Variants in GRID1 observed in about 807,000 individuals in gnomAD.
The protein encoded by GRID1 is glutamate ionotropic receptor delta type subunit 1.
Under a neutral mutation model 98.0 loss-of-function variants are expected in GRID1, and 28 were observed. That is an observed-to-expected ratio of 0.29 (90% CI 0.21 to 0.39). GRID1 has a LOEUF of 0.39. GRID1 is among the 10% of genes least tolerant of loss of function. GRID1 has a pLI of 1.00. For synonymous variants in GRID1, 553 were observed against 538.5 expected (o/e 1.03, Z -0.37); for missense variants, 1,111 against 1,340.5 (o/e 0.83, Z 2.67).
chr10:86,130,009 C>G (rs764470411), intron 4 of GRID1, among the ~76,000 whole-genome samples: 5 of 152,258 alleles, frequency 3.3e-5, no homozygotes, highest in Admixed American at 6.5e-5. Context: ...CATGAATAAG[C>G]CTGGGCTAGT....
chr10:85,712,289 C>T (rs552787847), intron 12 of GRID1, among the ~76,000 whole-genome samples: 2 of 151,754 alleles, frequency 1.3e-5, no homozygotes, highest in Admixed American at 6.6e-5. Flanking sequence ...CAGACAAGCA[C>T]ACTGAAAGAA....
chr10:85,851,210 C>T (rs1388370807), intron 8 of GRID1, among the ~76,000 whole-genome samples: 1 of 152,046 alleles, frequency 6.6e-6, no homozygotes, highest in African/African-American at 2.4e-5. Flanking sequence ...AAGCATATAC[C>T]ACCCCCCACC....
At chr10:85,944,385 A>G (rs1028793785) in intron 4 of GRID1, among the ~76,000 whole-genome samples, 1 of 152,254 alleles carries the variant, frequency 6.6e-6, no homozygotes, top group Admixed American at 6.5e-5. Context: ...ATTGACAAAA[A>G]TGAAGAAAAA....
At chr10:85,986,127 A>C (rs936152123) in intron 4 of GRID1, among the ~76,000 whole-genome samples, 1 of 152,272 alleles carries the variant, frequency 6.6e-6, no homozygotes, top group South Asian at 2.1e-4. Context: ...GAAGTTCTGC[A>C]TGCCTCCCAG....
intron 12 of GRID1, among the ~76,000 whole-genome samples, chr10:85,681,707 C>T (rs1471648217): frequency 6.6e-6 from 1 of 152,186 alleles, no homozygotes; most frequent in African/African-American, 2.4e-5. Flanking sequence ...AGCCCACGCA[C>T]CTGACACATC....
In GRID1 at chr10:86,343,964, C is replaced by G. The variant is rs369024755; in HGVS notation, c.235+19977G>C. On this transcript the variant is annotated intron_variant, in intron 2 of 15. Transcript: ENST00000327946. Reference sequence around the variant, plus strand: ...GCTGGGGTGGGAAAGCACGTGGCCACGCCTGGCCCTTGGCGTTCCATCTCT... The same window carrying G: ...GCTGGGGTGGGAAAGCACGTGGCCAGGCCTGGCCCTTGGCGTTCCATCTCT... Among the ~76,000 whole-genome samples the G allele has an allele frequency of 2.0e-5, 3 of 152,384 alleles. No individual in the cohort carries two copies. In the South Asian group the frequency reaches 6.2e-4, roughly 32 times the overall value.
rs577854906 is a variant in GRID1 at position 85,768,081 on chromosome 10, C to T, written c.1234-38467G>A. Among the ~76,000 whole-genome samples, 26 of 152,296 alleles carry T rather than the reference C, an allele frequency of 1.7e-4. 1 individual carries two copies. Among genetic ancestry groups the T allele is most frequent in the South Asian group, 1.4e-3 (7 of 4,828 alleles). On this transcript the variant is annotated intron_variant, in intron 8 of 15. Transcript: ENST00000327946. ...AGACTTTGGTGGAAAGTTTTCTCACCTTCCCAGGAAATCCCGAGCTAAAAT... is the reference window on the plus strand; with the variant it reads ...AGACTTTGGTGGAAAGTTTTCTCACTTTCCCAGGAAATCCCGAGCTAAAAT...
chr10:85,703,421 A>G (rs1274005124), intron 12 of GRID1, among the ~76,000 whole-genome samples: 2 of 152,136 alleles, frequency 1.3e-5, no homozygotes, highest in Non-Finnish European at 2.9e-5. Context: ...AAAGAATGTG[A>G]AAGGCAAATA....
chr10:86,138,829 A>T lies in GRID1; in HGVS notation c.716T>A (p.Phe239Tyr). ...GCCCCCATGACCTACCTCGTTGATG[A>T]AGGAGTGGGCTCCCTGTGGGCTGAG... ...LLLSPQGAHS[F>Y]INEAVETNLA... The change falls in exon 4 of 16, where the codon TTC (phenylalanine) becomes TAC (tyrosine). Residue 239 changes from phenylalanine to tyrosine, a missense_variant. Phe to Tyr is a conservative substitution (Grantham distance 22). Around this residue, in one of 3 missense-constraint regions of GRID1, gnomAD observed 346 missense variants for 452.3 expected, o/e 0.76. Coordinates refer to ENST00000327946, the MANE Select transcript of GRID1 (RefSeq NM_017551.3). 6.2e-7 allele frequency: 1 copy of T among 1,613,706 alleles called. No individual in the cohort carries two copies. The highest frequency in any genetic ancestry group is 8.5e-7 in the Non-Finnish European group (1 of 1,179,620).
chr10:85,746,251 G>C (rs139979688), intron 8 of GRID1, among the ~76,000 whole-genome samples: 218 of 152,230 alleles, frequency 1.4e-3, no homozygotes, highest in African/African-American at 5.0e-3. Flanking sequence ...TGGGTCAATG[G>C]CCTAAATGGT....
chr10:85,906,171 C>A (rs1841457814), intron 5 of GRID1, among the ~76,000 whole-genome samples: 1 of 152,030 alleles, frequency 6.6e-6, no homozygotes, highest in African/African-American at 2.4e-5. Context: ...AATTTAAGTC[C>A]TAATGATAGA....
intron 5 of GRID1, among the ~76,000 whole-genome samples, chr10:85,900,159 A>AC (rs1200302748): frequency 6.6e-6 from 1 of 152,046 alleles, no homozygotes; most frequent in East Asian, 1.9e-4. Context: ...CTTTGAAAGG[A>AC]CCCTTCCTGG....
At position 85,602,655 on chromosome 10, in the gene GRID1, A is replaced by C; in HGVS notation, c.2648T>G (p.Leu883Arg). ...CTTGTGAGCAATGTCTTCATCCATG[A>C]GGCTGTTCATGCGCCGGTGGACCTG... ...LEQVHRRMNS[L>R]MDEDIAHKQI... is the part of the protein sequence containing the mutation. The change falls in exon 16 of 16, where the codon CTC becomes CGC. Residue 883 changes from leucine to arginine, a missense_variant. Leu to Arg is a moderately radical substitution (Grantham distance 102, BLOSUM62 -2). Coordinates refer to ENST00000327946, the MANE Select transcript of GRID1 (RefSeq NM_017551.3). The C allele has an allele frequency of 1.2e-6, 2 of 1,613,762 alleles. No homozygotes were observed. The highest frequency in any genetic ancestry group is 1.7e-6 in the Non-Finnish European group (2 of 1,179,858).
At chr10:86,062,289 C>T (rs1359075061) in intron 4 of GRID1, among the ~76,000 whole-genome samples, 1 of 152,168 alleles carries the variant, frequency 6.6e-6, no homozygotes, top group Non-Finnish European at 1.5e-5. Context: ...GACACACACA[C>T]ACGCACACTT....
intron 12 of GRID1, among the ~76,000 whole-genome samples, chr10:85,698,812 G>C (rs560620681): frequency 3.9e-4 from 59 of 152,296 alleles, no homozygotes; most frequent in Non-Finnish European, 6.8e-4. Flanking sequence ...CCAGCATTTG[G>C]TGCTATTGGC....
chr10:85,923,731 T>C (rs1449970964), intron 4 of GRID1, among the ~76,000 whole-genome samples: 1 of 152,178 alleles, frequency 6.6e-6, no homozygotes, highest in Non-Finnish European at 1.5e-5. Flanking sequence ...TCTACCGTGT[T>C]CCACTGACTT....
intron 3 of GRID1, among the ~76,000 whole-genome samples, chr10:86,147,957 T>G (rs560062082): frequency 5.3e-4 from 80 of 152,340 alleles, no homozygotes; most frequent in African/African-American, 1.9e-3. Flanking sequence ...CCACCTACTC[T>G]GCCTCACCTG....
intron 2 of GRID1, among the ~76,000 whole-genome samples, chr10:86,303,459 G>T (rs1055855410): frequency 2.0e-5 from 3 of 152,056 alleles, no homozygotes; most frequent in African/African-American, 7.3e-5. Flanking sequence ...CAGAGACTGT[G>T]CTCAGCAGGA....
intron 8 of GRID1, among the ~76,000 whole-genome samples, chr10:85,799,701 C>A (rs572593949): frequency 6.6e-6 from 1 of 151,982 alleles, no homozygotes; most frequent in African/African-American, 2.4e-5. Context: ...TAGTGGTTAC[C>A]AAAGTTGGGA....
Sources: allele counts gnomAD v4.1 joint callset (sites outside exome capture counted in the v4.1 genomes callset), GRCh38; gene constraint gnomAD v4.1.1; regional missense constraint gnomAD v4.1.1; transcripts MANE v1.5; gene names NCBI Gene and HGNC (gene_info 2026-07-23, HGNC 2026-07-21).